GLRA2: variants seen among roughly 807,000 people sequenced by gnomAD.
GLRA2 encodes the protein glycine receptor alpha 2.
In GLRA2, 11 loss-of-function variants were observed where a neutral mutation model predicts 31.6. The observed-to-expected ratio is 0.35, with a 90% CI of 0.22 to 0.58. The LOEUF is 0.58. GLRA2 is among the 20% of genes least tolerant of loss of function. The pLI, the probability that GLRA2 is intolerant of heterozygous loss-of-function variation, is 0.84. For missense variants in GLRA2, 212 were observed against 351.8 expected (o/e 0.60, Z 3.18); for synonymous variants, 132 against 134.0 (o/e 0.99, Z 0.10).
intron 2 of GLRA2, among the ~76,000 whole-genome samples, chrX:14,542,969 A>G (rs1771309159): frequency 9.1e-6 from 1 of 110,324 alleles, no homozygotes; most frequent in African/African-American, 3.3e-5. Flanking sequence ...TTACAACTTT[A>G]ACAAAGTCAT....
chrX:14,571,770 C>CA (rs58794212), intron 2 of GLRA2, among the ~76,000 whole-genome samples: 2 of 108,617 alleles, frequency 1.8e-5, no homozygotes, highest in South Asian at 3.8e-4. Context: ...AACCTTGAAC[C>CA]AAAAAAAAGT....
At chrX:14,694,978 T>C (rs189391257) in intron 8 of GLRA2, among the ~76,000 whole-genome samples, 2 of 112,129 alleles carry the variant, frequency 1.8e-5, no homozygotes, top group Admixed American at 9.5e-5. Context: ...TGAGTCACAT[T>C]TTTATGCTCT....
chrX:14,562,752 A>C (rs1163730580), intron 2 of GLRA2, among the ~76,000 whole-genome samples: 1 of 111,536 alleles, frequency 9.0e-6, no homozygotes, highest in African/African-American at 3.3e-5. Flanking sequence ...TTTTCTCATA[A>C]GGACACCAGT....
chrX:14,723,488 T>C (rs770423944), intron 8 of GLRA2, among the ~76,000 whole-genome samples: 1 of 112,369 alleles, frequency 8.9e-6, no homozygotes, highest in East Asian at 2.8e-4. Flanking sequence ...GCAACCAAAG[T>C]GATTTATTTC....
At chrX:14,505,964 C>T in the GLRA2 span, among the ~76,000 whole-genome samples, 1 of 111,050 alleles carries the variant, frequency 9.0e-6, no homozygotes, top group African/African-American at 3.3e-5. Flanking sequence ...TCCCATGATG[C>T]CTTGGCCATC....
intron 7 of GLRA2, among the ~76,000 whole-genome samples, chrX:14,622,560 C>A (rs2090533879): frequency 8.9e-6 from 1 of 111,944 alleles, no homozygotes; most frequent in African/African-American, 3.2e-5. Context: ...CCAGTTTCAG[C>A]TTTCTACATA....
intron 8 of GLRA2, among the ~76,000 whole-genome samples, chrX:14,726,169 A>G (rs2091926918): frequency 8.9e-6 from 1 of 112,368 alleles, no homozygotes; most frequent in South Asian, 3.6e-4. Flanking sequence ...GTTTCAGTTT[A>G]TCCATGACTC....
chrX:14,693,306 C>T (rs2091391431), intron 8 of GLRA2, among the ~76,000 whole-genome samples: 1 of 111,538 alleles, frequency 9.0e-6, no homozygotes, highest in African/African-American at 3.2e-5. Context: ...CAAACACTAA[C>T]CAAATAAAGC....
At chrX:14,650,799 C>G (rs1440119919) in intron 7 of GLRA2, among the ~76,000 whole-genome samples, 1 of 111,689 alleles carries the variant, frequency 9.0e-6, no homozygotes, top group African/African-American at 3.3e-5. Flanking sequence ...ATTTATAAGG[C>G]TAGAGAAAGC....
the GLRA2 span, among the ~76,000 whole-genome samples, chrX:14,465,696 TA>T: frequency 8.9e-6 from 1 of 112,342 alleles, no homozygotes; most frequent in African/African-American, 3.2e-5. Flanking sequence ...ATCCTTGCTC[TA>T]AACAAGGATT....
intron 8 of GLRA2, among the ~76,000 whole-genome samples, chrX:14,707,362 A>G (rs945329445): frequency 2.7e-5 from 3 of 111,458 alleles, no homozygotes; most frequent in African/African-American, 9.8e-5. Flanking sequence ...GTCCTTTCTC[A>G]TGGGCTGCTG....
chrX:14,493,020 C>T, the GLRA2 span, among the ~76,000 whole-genome samples: 5 of 111,101 alleles, frequency 4.5e-5, no homozygotes, highest in African/African-American at 1.6e-4. Context: ...TCACTAATCC[C>T]ATTCATGAGG....
intron 7 of GLRA2, among the ~76,000 whole-genome samples, chrX:14,662,149 AC>A (rs1467656683): frequency 2.7e-5 from 3 of 110,766 alleles, no homozygotes; most frequent in African/African-American, 9.8e-5. Flanking sequence ...CCTGAATATT[AC>A]CAAGTTTGTT....
the GLRA2 span, among the ~76,000 whole-genome samples, chrX:14,471,253 G>T: frequency 8.9e-6 from 1 of 111,980 alleles, no homozygotes; most frequent in Admixed American, 9.5e-5. Context: ...TAATTAACAT[G>T]TGTTTCCCTG....
At chrX:14,692,819 T>C (rs2091380453) in intron 8 of GLRA2, among the ~76,000 whole-genome samples, 1 of 111,942 alleles carries the variant, frequency 8.9e-6, no homozygotes, top group South Asian at 3.7e-4. Context: ...AGACTGTACC[T>C]GGGCTCTGTG....
At chrX:14,502,644 T>C in the GLRA2 span, among the ~76,000 whole-genome samples, 1 of 111,395 alleles carries the variant, frequency 9.0e-6, no homozygotes, top group Non-Finnish European at 1.9e-5. Flanking sequence ...CTGATCAATA[T>C]ATAACTTTGT....
chrX:14,577,001 T>C (rs1382251775), intron 3 of GLRA2, among the ~76,000 whole-genome samples: 1 of 113,055 alleles, frequency 8.8e-6, no homozygotes, highest in African/African-American at 3.2e-5. Context: ...ACAGAAAATA[T>C]TTTTTGGAAC....
intron 7 of GLRA2, among the ~76,000 whole-genome samples, chrX:14,648,561 C>T (rs1460911174): frequency 9.0e-6 from 1 of 111,314 alleles, no homozygotes; most frequent in African/African-American, 3.3e-5. Context: ...AATGCAAAAG[C>T]AAGCCATATA....
the GLRA2 span, among the ~76,000 whole-genome samples, chrX:14,451,409 T>C: frequency 2.6e-4 from 29 of 110,287 alleles, no homozygotes; most frequent in East Asian, 8.3e-3. Flanking sequence ...GGTGGGTGGA[T>C]TGCCTGAGCT....
Sources: gnomAD v4.1 joint callset for allele counts (sites outside exome capture counted in the v4.1 genomes callset) on GRCh38, gnomAD v4.1.1 for gene constraint, MANE v1.5 for transcripts, NCBI Gene and HGNC (gene_info 2026-07-23, HGNC 2026-07-21) for gene names.